Variants in CEP131 observed in about 807,000 individuals in gnomAD.
CEP131 encodes centrosomal protein of 131 kDa.
CEP131 carries 99 observed loss-of-function variants against 136.8 expected under a neutral mutation model. The ratio of observed to expected loss-of-function variants is 0.72; its 90% CI spans 0.62 to 0.86. The LOEUF is 0.86. Ranked by LOEUF, CEP131 falls within the 40% of genes least tolerant of loss-of-function variation. The pLI is 0.00. For missense variants in CEP131, 1,459 were observed against 1,463.0 expected (o/e 1.00, Z 0.04); for synonymous variants, 646 against 612.7 (o/e 1.05, Z -0.80).
At chr17:81,197,574 G>A in intron 13 of CEP131, 138 bp downstream of exon 13, 2 of 1,298,334 alleles carry the variant, frequency 1.5e-6, no homozygotes, top group African/African-American at 1.6e-5. Context: ...TGGGGGCCGG[G>A]TGGGGGCTGG....
In CEP131 at chr17:81,192,336, G is replaced by A. The variant is rs113590232; in HGVS notation, c.2604C>T (p.Ala868=). 90,190 of 1,566,376 alleles carry A rather than the reference G, an allele frequency of 0.058. 2,839 individuals carry two copies. The highest frequency in any genetic ancestry group is 0.066 in the Non-Finnish European group (75,828 of 1,157,280). The change falls in exon 21 of 26, where the codon GCC becomes GCT. Residue 868 remains alanine (A), a synonymous_variant. Coordinates refer to ENST00000450824, the MANE Select transcript of CEP131 (RefSeq NM_014984.4). ...QLELERQAWE[A]GRTRKEEAWL... is the part of the protein sequence containing the mutation. ...CCCCCACCTCCTTCCTGGTGCGGCC[G>A]GCCTCCCACGCCTGCCTCTCCAGCT...
At position 81,195,970 on chromosome 17, in the gene CEP131, G is replaced by A. The variant is rs753167175; in HGVS notation, c.1900-19C>T. The A allele has an allele frequency of 3.1e-6, 5 of 1,596,968 alleles. No homozygotes were observed. Among genetic ancestry groups the A allele is most frequent in the East Asian group, 2.2e-5 (1 of 44,836 alleles). On this transcript the variant is annotated intron_variant, in intron 15 of 25. Transcript: ENST00000450824. The stretch of plus-strand genomic sequence containing the variant: ...CAATCAGCTGTGTTGGGGACCGGAG[G>A]TGAGGTGCTACACCAAGGCCCCAGC...
intron 2 of CEP131, among the ~76,000 whole-genome samples, chr17:81,218,250 CCAGGCTGGTATTGAA>C (rs2062299576): frequency 6.6e-6 from 1 of 152,180 alleles, no homozygotes; most frequent in Non-Finnish European, 1.5e-5. Context: ...ACTATGTTGG[CCAGGCTGGTATTGAA>C]CTCCTGACCT....
intron 2 of CEP131, among the ~76,000 whole-genome samples, chr17:81,212,793 A>G (rs2062163898): frequency 6.6e-6 from 1 of 152,204 alleles, no homozygotes; most frequent in Non-Finnish European, 1.5e-5. Context: ...AGGTGCCACT[A>G]GCGGCAGAGA....
At chr17:81,205,086 C>T (rs2061974772) in intron 5 of CEP131, among the ~76,000 whole-genome samples, 1 of 151,814 alleles carries the variant, frequency 6.6e-6, no homozygotes, top group African/African-American at 2.4e-5. Flanking sequence ...TAGCGAAACC[C>T]CGTCTCTACT....
chr17:81,208,233 G>C lies in CEP131; in HGVS notation c.272+695C>G, dbSNP rs1045945129. On this transcript the variant is annotated intron_variant, in intron 3 of 25. Transcript: ENST00000450824. This position sits in a 1 kb window ranked among gnomAD's most constrained non-coding sequence, Gnocchi z 5.6. ...GCTCCCGGAGGCTGCACTGGATAGG[G>C]TGTGGTGGCCGCAGTTCTTGGTCTT... Among the ~76,000 whole-genome samples, 1 of 152,002 alleles carries C rather than the reference G, an allele frequency of 6.6e-6. No individual in the cohort carries two copies. The highest frequency in any genetic ancestry group is 6.6e-5 in the Admixed American group (1 of 15,262).
At chr17:81,199,934 T>C in intron 8 of CEP131, 99 bp from the exon 9 acceptor site, 1 of 1,228,282 alleles carries the variant, frequency 8.1e-7, no homozygotes, top group Admixed American at 1.8e-5. Context: ...TCCCCTAGAG[T>C]TCGTGGAATC....
chr17:81,196,591 G>C (rs1034870576), intron 15 of CEP131, 110 bp downstream of exon 15: 5 of 1,450,510 alleles, frequency 3.4e-6, no homozygotes, highest in Non-Finnish European at 3.7e-6. Context: ...GGACACCCGT[G>C]TGACACCCAA....
chr17:81,211,578 C>T (rs1268703905), intron 2 of CEP131, among the ~76,000 whole-genome samples: 4 of 152,188 alleles, frequency 2.6e-5, no homozygotes, highest in African/African-American at 9.7e-5. Context: ...AGGCAGACGC[C>T]AAGTCCCTGA....
chr17:81,210,310 G>A (rs1050828906), intron 2 of CEP131, among the ~76,000 whole-genome samples: 3 of 152,168 alleles, frequency 2.0e-5, no homozygotes, highest in Non-Finnish European at 2.9e-5. Flanking sequence ...GGTGGTTCAC[G>A]CCTGTGATCT....
Position 81,197,692 on chromosome 17 carries a change from G to C in CEP131, c.1647+20C>G. On this transcript the variant is annotated intron_variant, in intron 13 of 25. Transcript: ENST00000450824. ...GGCCTCCTCCCACTGGGGGCCGGGT[G>C]CGGGCTGGTGAGGGGCCACCTCCTG... 5 of 1,598,452 alleles carry C rather than the reference G, an allele frequency of 3.1e-6. No homozygotes were observed. The highest frequency in any genetic ancestry group is 4.3e-6 in the Non-Finnish European group (5 of 1,171,868).
At position 81,200,406 on chromosome 17, in the gene CEP131, GCTGGATGGTGACAGTGGC is replaced by G. The variant is rs1160458641; in HGVS notation, c.811_828del (p.Ala271_Gln276del). ...CGCTGCACCTGGTGCCGGTACCAGCGCTGGATGGTGACAGTGGCCTGGTTCACCTGGTGGATAAACCTG... is the reference window on the plus strand; with the variant it reads ...CGCTGCACCTGGTGCCGGTACCAGCGCTGGTTCACCTGGTGGATAAACCTG... On this transcript the variant is annotated inframe_deletion, in exon 8 of 26. Transcript: ENST00000450824. 8 of 1,559,368 alleles carry G rather than the reference GCTGGATGGTGACAGTGGC, an allele frequency of 5.1e-6. No individual in the cohort carries two copies. The highest frequency in any genetic ancestry group is 6.9e-6 in the Non-Finnish European group (8 of 1,152,298).
Position 81,206,797 on chromosome 17 carries a change from C to G in CEP131, c.462G>C (p.Pro154=), listed in dbSNP as rs781565082. 3.1e-6 allele frequency: 5 copies of G among 1,614,132 alleles called. No homozygotes were observed. The highest frequency in any genetic ancestry group is 1.1e-5 in the South Asian group (1 of 91,080). Residue 154 remains proline (P), a synonymous_variant, in exon 5 of 26, where the codon CCG becomes CCC. Transcript: ENST00000450824. ...GGGCCACGGTGCATTCTTTCCTCCG[C>G]GGGCCCGCTGGTGAGTCAAGGGCAC... ...SSSALDSPAG[P]RRKECTVALA...
Position 81,206,869 on chromosome 17 carries a change from A to G in CEP131, c.390T>C (p.Asp130=). The G allele has an allele frequency of 6.2e-7, 1 of 1,613,188 alleles. No individual in the cohort carries two copies. The highest frequency in any genetic ancestry group is 1.7e-5 in the Admixed American group (1 of 59,972). The change falls in exon 5 of 26, where the codon GAT becomes GAC. Residue 130 remains aspartate (D), a splice_region_variant and synonymous_variant. Coordinates refer to ENST00000450824, the MANE Select transcript of CEP131 (RefSeq NM_014984.4). ...SEKGATWNVL[D]DQPRGFTLPS... ...GCAAGGTGAAGCCCCGGGGCTGGTCATCCTGTCAGACAGCTCAGCCCATGA... is the reference window on the plus strand; with the variant it reads ...GCAAGGTGAAGCCCCGGGGCTGGTCGTCCTGTCAGACAGCTCAGCCCATGA...
intron 2 of CEP131, among the ~76,000 whole-genome samples, chr17:81,212,400 TG>T (rs1271593481): frequency 6.7e-6 from 1 of 149,696 alleles, no homozygotes; most frequent in Non-Finnish European, 1.5e-5. Context: ...AAATCAGAGG[TG>T]GAGGGCGAGG....
At chr17:81,204,531 G>C (rs1157206730) in intron 5 of CEP131, among the ~76,000 whole-genome samples, 1 of 152,118 alleles carries the variant, frequency 6.6e-6, no homozygotes, top group Non-Finnish European at 1.5e-5. Flanking sequence ...CCAGGCAATA[G>C]GCTTCCAGCT....
intron 2 of CEP131, among the ~76,000 whole-genome samples, chr17:81,217,047 G>A (rs1284779717): frequency 6.6e-6 from 1 of 152,240 alleles, no homozygotes; most frequent in Non-Finnish European, 1.5e-5. Context: ...AGGGGCAGGT[G>A]GCCCCCATGG....
chr17:81,207,656 C>T (rs1014453185), intron 3 of CEP131, among the ~76,000 whole-genome samples: 2 of 151,844 alleles, frequency 1.3e-5, no homozygotes, highest in African/African-American at 2.4e-5. Flanking sequence ...GGCTGCCCAC[C>T]GAGGGCCTTA....
intron 2 of CEP131, among the ~76,000 whole-genome samples, chr17:81,216,575 G>A (rs1200916356): frequency 1.3e-5 from 2 of 152,162 alleles, no homozygotes; most frequent in East Asian, 3.9e-4. Context: ...CGCAGCTGAC[G>A]GATACGGCAC....
Sources: allele counts gnomAD v4.1 joint callset (sites outside exome capture counted in the v4.1 genomes callset), GRCh38; gene constraint gnomAD v4.1.1; non-coding constraint Gnocchi (gnomAD v3.1); transcripts MANE v1.5; gene names NCBI Gene and HGNC (gene_info 2026-07-23, HGNC 2026-07-21).